B3GALT1: variants seen among roughly 807,000 people sequenced by gnomAD.
B3GALT1 encodes UDP-Gal:betaGlcNAc beta 1,3-galactosyltransferase, polypeptide 1.
A neutral mutation model predicts 23.2 loss-of-function variants in B3GALT1; 10 were observed. The observed-to-expected ratio is 0.43, with a 90% CI of 0.27 to 0.73. B3GALT1 has a LOEUF of 0.73. B3GALT1 is among the 30% of genes least tolerant of loss of function. The pLI, the probability that B3GALT1 is intolerant of heterozygous loss-of-function variation, is 0.21. For synonymous variants in B3GALT1, 156 were observed against 141.5 expected, an observed-to-expected ratio of 1.10 and a Z score of -0.73; for missense variants, 299 against 405.4, an observed-to-expected ratio of 0.74 and a Z score of 2.25.
At chr2:167,562,925 G>A (rs1205318695) in intron 2 of B3GALT1, among the ~76,000 whole-genome samples, 1 of 152,070 alleles carries the variant, frequency 6.6e-6, no homozygotes, top group Non-Finnish European at 1.5e-5. Flanking sequence ...ATTCAACCCT[G>A]AGTGGACACA....
intron 2 of B3GALT1, among the ~76,000 whole-genome samples, chr2:167,511,137 A>G (rs959505911): frequency 1.3e-5 from 2 of 152,100 alleles, no homozygotes; most frequent in Non-Finnish European, 2.9e-5. Flanking sequence ...TAATAAGGAG[A>G]TATTGAAAAC....
chr2:167,490,591 T>A (rs913802048), intron 2 of B3GALT1, among the ~76,000 whole-genome samples: 1 of 152,212 alleles, frequency 6.6e-6, no homozygotes, highest in Non-Finnish European at 1.5e-5. Context: ...ATGACACACA[T>A]GGAAAATGGT....
chr2:167,442,728 T>G (rs1698915306), intron 1 of B3GALT1, among the ~76,000 whole-genome samples: 1 of 148,142 alleles, frequency 6.8e-6, no homozygotes, highest in Non-Finnish European at 1.5e-5. Context: ...ATGGGGTTGT[T>G]TTTTTCTTGT....
At chr2:167,299,767 A>AT (rs925622633) in intron 1 of B3GALT1, among the ~76,000 whole-genome samples, 2 of 151,356 alleles carry the variant, frequency 1.3e-5, no homozygotes, top group African/African-American at 4.9e-5. Flanking sequence ...AAAAATAGTC[A>AT]TTTTTTCCCC....
intron 2 of B3GALT1, among the ~76,000 whole-genome samples, chr2:167,492,527 A>G (rs1020904960): frequency 6.6e-6 from 1 of 152,180 alleles, no homozygotes; most frequent in Admixed American, 6.5e-5. Context: ...GTGGTAAGAC[A>G]GTGTAGTTTC....
chr2:167,428,520 CA>C (rs1166579405), intron 1 of B3GALT1, among the ~76,000 whole-genome samples: 1 of 151,646 alleles, frequency 6.6e-6, no homozygotes, highest in East Asian at 1.9e-4. Context: ...ACTAAAAATA[CA>C]AAAAAAATTA....
chr2:167,638,701 T>G (rs1404746157), intron 2 of B3GALT1, among the ~76,000 whole-genome samples: 4 of 152,080 alleles, frequency 2.6e-5, no homozygotes, highest in Non-Finnish European at 5.9e-5. Flanking sequence ...TTCTATTGTG[T>G]TTTTGTGCCT....
intron 3 of B3GALT1, among the ~76,000 whole-genome samples, chr2:167,664,764 G>A (rs984957036): frequency 6.6e-6 from 1 of 151,760 alleles, no homozygotes; most frequent in African/African-American, 2.4e-5. Context: ...CTCTCTGTTT[G>A]TCTGTTATTG....
rs1187091524 is a variant in B3GALT1 at position 167,689,151 on chromosome 2, A to T, written c.-352+42185A>T. Among the ~76,000 whole-genome samples, 11 of 152,210 alleles carry T rather than the reference A, an allele frequency of 7.2e-5. No homozygotes were observed. In the East Asian group the frequency reaches 1.9e-3, roughly 27 times the overall value. ...GCCCCCAAAAAGACCAAAAAAAAAA[A>T]AAAAAAAATCCTTGAAAGCAACAAC... On this transcript the variant is annotated intron_variant, in intron 3 of 4. Transcript: ENST00000392690.
At chr2:167,782,549 A>G (rs761646739) in intron 3 of B3GALT1, among the ~76,000 whole-genome samples, 2 of 152,230 alleles carry the variant, frequency 1.3e-5, no homozygotes, top group Non-Finnish European at 2.9e-5. Flanking sequence ...ATTATTTTCA[A>G]ACAAAATCAC....
intron 2 of B3GALT1, among the ~76,000 whole-genome samples, chr2:167,601,039 A>G (rs917758937): frequency 1.3e-5 from 2 of 151,718 alleles, no homozygotes; most frequent in Admixed American, 1.3e-4. Context: ...TTCTGTAAAG[A>G]ACAACTAGAT....
At chr2:167,760,777 C>T (rs138770571) in intron 3 of B3GALT1, among the ~76,000 whole-genome samples, 10 of 152,134 alleles carry the variant, frequency 6.6e-5, no homozygotes, top group Non-Finnish European at 1.3e-4. Context: ...AAGCTACCTA[C>T]TAAGTGGAAC....
chr2:167,689,207 G>C (rs1452643959), intron 3 of B3GALT1, among the ~76,000 whole-genome samples: 1 of 150,424 alleles, frequency 6.6e-6, no homozygotes. Flanking sequence ...GAGCAAAACA[G>C]TTTGAATGAC....
chr2:167,572,450 G>C (rs554251908), intron 2 of B3GALT1, among the ~76,000 whole-genome samples: 1 of 151,830 alleles, frequency 6.6e-6, no homozygotes, highest in Non-Finnish European at 1.5e-5. Context: ...CAGATGCTTT[G>C]CTTCCTTTCT....
intron 2 of B3GALT1, among the ~76,000 whole-genome samples, chr2:167,537,432 G>C (rs907896750): frequency 6.6e-6 from 1 of 152,154 alleles, no homozygotes; most frequent in Non-Finnish European, 1.5e-5. Context: ...ATGTTTCTGA[G>C]AGAATCTAGT....
intron 3 of B3GALT1, among the ~76,000 whole-genome samples, chr2:167,758,761 T>G (rs1188642548): frequency 4.6e-5 from 7 of 152,212 alleles, no homozygotes; most frequent in African/African-American, 1.7e-4. Context: ...TAAATTATTA[T>G]AAAGGGTTTT....
chr2:167,840,148 G>T (rs1242922035), intron 4 of B3GALT1, among the ~76,000 whole-genome samples: 1 of 152,072 alleles, frequency 6.6e-6, no homozygotes, highest in Non-Finnish European at 1.5e-5. Context: ...AACACCAAAA[G>T]CAATGGCAAC....
chr2:167,477,278 A>G (rs746074305), intron 1 of B3GALT1, among the ~76,000 whole-genome samples: 14 of 152,160 alleles, frequency 9.2e-5, no homozygotes, highest in Non-Finnish European at 1.5e-4. Flanking sequence ...GAGGTACAGG[A>G]TGAAATGACA....
intron 2 of B3GALT1, among the ~76,000 whole-genome samples, chr2:167,619,634 T>G (rs1685222545): frequency 6.6e-6 from 1 of 152,148 alleles, no homozygotes. Context: ...ATGATTTTAA[T>G]AAACTAGCAT....
Sources: gnomAD v4.1 joint callset for allele counts (sites outside exome capture counted in the v4.1 genomes callset) on GRCh38, gnomAD v4.1.1 for gene constraint, MANE v1.5 for transcripts, NCBI Gene and HGNC (gene_info 2026-07-23, HGNC 2026-07-21) for gene names.